The following IL4I1 variants were observed in gnomAD, a reference collection of about 807,000 sequenced individuals.
The protein encoded by IL4I1 is L-amino-acid oxidase.
In IL4I1, 24 loss-of-function variants were observed where a neutral mutation model predicts 29.7. The observed-to-expected ratio is 0.81, with a 90% confidence interval of 0.59 to 1.14. The LOEUF (loss-of-function observed/expected upper bound fraction) is 1.14. Among genes scored for constraint, IL4I1 ranks in the 50% most tolerant of loss-of-function variants. The probability of loss-of-function intolerance (pLI) is 0.00; values close to 1 mark genes in which losing one functional copy is unlikely to be tolerated. For missense variants in IL4I1, 686 were observed against 785.6 expected (o/e 0.87, Z 1.52); for synonymous variants, 371 against 352.5 (o/e 1.05, Z -0.59).
chr19:49,901,675 T>C (rs867965542), upstream of IL4I1: 6 of 1,540,658 alleles, frequency 3.9e-6, no homozygotes, highest in Middle Eastern at 3.4e-4. Flanking sequence ...TCAGCACCCA[T>C]GGCCTTTATG....
intron 2 of IL4I1, among the ~76,000 whole-genome samples, chr19:49,915,447 A>G (rs2075599575): frequency 6.6e-6 from 1 of 152,154 alleles, no homozygotes; most frequent in African/African-American, 2.4e-5. Flanking sequence ...AGAGCTAAAG[A>G]AGGACATAGC....
At chr19:49,926,838 G>A (rs1379540854) in intron 2 of IL4I1, among the ~76,000 whole-genome samples, 3 of 147,860 alleles carry the variant, frequency 2.0e-5, no homozygotes, top group Non-Finnish European at 3.0e-5. Context: ...CCTTGTAACA[G>A]CCCTAAGAAG....
At chr19:49,927,078 C>T (rs1023303050) in intron 2 of IL4I1, among the ~76,000 whole-genome samples, 5 of 152,044 alleles carry the variant, frequency 3.3e-5, no homozygotes, top group Non-Finnish European at 5.9e-5. Context: ...CCAGGCTGGT[C>T]TCGAATTCCT....
chr19:49,898,275 C>A (rs1339032363), upstream of IL4I1, among the ~76,000 whole-genome samples: 6 of 152,004 alleles, frequency 3.9e-5, no homozygotes, highest in East Asian at 1.2e-3. Flanking sequence ...GAGCTGAGAT[C>A]GTGCCACTGC....
Position 49,894,290 on chromosome 19 carries a change from A to T in IL4I1, c.545T>A (p.Ile182Asn). ...PQEKGHSPED[I>N]YQMALNQALK... ...CACCTGGTTGAGAGCCATCTGGTAG[A>T]TGTCTTCGGGCGAGTGGCCCTTTTC... is the stretch of plus-strand genomic sequence containing the variant. The change falls in exon 5 of 8, where the codon ATC becomes AAC. Residue 182 changes from isoleucine (I) to asparagine (N), a missense_variant. Physicochemically the swap from Ile to Asn is moderately radical, Grantham distance 149 (BLOSUM62 -3). Coordinates refer to ENST00000391826, the MANE Select transcript of IL4I1 (RefSeq NM_152899.2). 1 of 1,613,970 alleles carries T rather than the reference A, an allele frequency of 6.2e-7. No individual in the cohort carries two copies. Among genetic ancestry groups the T allele is most frequent in the Non-Finnish European group, 8.5e-7 (1 of 1,179,956 alleles).
chr19:49,925,429 C>G (rs943183725), intron 2 of IL4I1, among the ~76,000 whole-genome samples: 14 of 144,468 alleles, frequency 9.7e-5, no homozygotes, highest in Non-Finnish European at 1.5e-4. Context: ...ACCCTCCCCC[C>G]CATCTCTACT....
chr19:49,913,031 C>G (rs1423868610), intron 2 of IL4I1: 1 of 152,348 alleles, frequency 6.6e-6, no homozygotes, highest in Non-Finnish European at 1.5e-5. Context: ...AACCAGGGCT[C>G]AGGGCAGGCA....
chr19:49,909,768 C>T (rs745557509), intron 2 of IL4I1: 3 of 1,614,174 alleles, frequency 1.9e-6, no homozygotes, highest in Admixed American at 1.7e-5. Context: ...GTGAACCCGC[C>T]TGTAGGGGCC....
intron 2 of IL4I1, among the ~76,000 whole-genome samples, chr19:49,910,885 G>C (rs1304764522): frequency 6.6e-6 from 1 of 152,204 alleles, no homozygotes; most frequent in Non-Finnish European, 1.5e-5. Context: ...GAAAGGGTGA[G>C]AGGGAGTGCT....
chr19:49,896,450 T>C (rs1238760216), intron 1 of IL4I1, among the ~76,000 whole-genome samples: 1 of 151,926 alleles, frequency 6.6e-6, no homozygotes, highest in African/African-American at 2.4e-5. Context: ...TTCTTTCTTT[T>C]TTTTTTAACA....
chr19:49,898,696 T>C (rs139234882), upstream of IL4I1, among the ~76,000 whole-genome samples: 1,112 of 152,226 alleles, frequency 7.3e-3, 14 homozygotes, highest in African/African-American at 0.025. Flanking sequence ...GATGAAACCC[T>C]GTCTCTACCA....
Position 49,894,352 on chromosome 19 carries a change from C to T in IL4I1, c.483G>A (p.Lys161=). 1 of 1,614,228 alleles carries T rather than the reference C, an allele frequency of 6.2e-7. No individual in the cohort carries two copies. The highest frequency in any genetic ancestry group is 8.5e-7 in the Non-Finnish European group (1 of 1,180,048). ...EVKLRNYVVE[K]VPEKLGYALR... ...AGGCGTAGCCCAGCTTCTCGGGCACCTTCTCCACCACATAGTTGCGCAGCT... is the reference window on the plus strand; with the variant it reads ...AGGCGTAGCCCAGCTTCTCGGGCACTTTCTCCACCACATAGTTGCGCAGCT... The change falls in exon 5 of 8, where the codon AAG becomes AAA. Residue 161 remains lysine (K), a synonymous_variant. Coordinates refer to ENST00000391826, the MANE Select transcript of IL4I1 (RefSeq NM_152899.2).
At chr19:49,917,400 G>A (rs752492073) in intron 2 of IL4I1, among the ~76,000 whole-genome samples, 4 of 152,152 alleles carry the variant, frequency 2.6e-5, no homozygotes, top group East Asian at 1.9e-4. Flanking sequence ...TTTCCTTTGC[G>A]TCAAAGAAAA....
intron 3 of IL4I1, 22 bp from the exon 4 acceptor site, chr19:49,895,202 G>C (rs374204829): frequency 1.1e-5 from 17 of 1,594,944 alleles, no homozygotes; most frequent in Admixed American, 3.3e-5. Context: ...CGTGGGGCGA[G>C]GAGGGCCCTT....
chr19:49,918,078 CT>C (rs559266842), intron 2 of IL4I1, among the ~76,000 whole-genome samples: 210 of 132,372 alleles, frequency 1.6e-3, no homozygotes, highest in East Asian at 1.2e-3. Context: ...TTTCCTTTTT[CT>C]TTTTTTTTTT....
At chr19:49,914,734 T>TTG (rs1668430868) in intron 2 of IL4I1, among the ~76,000 whole-genome samples, 1 of 109,506 alleles carries the variant, frequency 9.1e-6, no homozygotes, top group Non-Finnish European at 1.8e-5. Context: ...CAGTTTTTTT[T>TTG]TTTTTTTTTT....
chr19:49,891,473 C>A lies in IL4I1; in HGVS notation c.568G>T (p.Ala190Ser), dbSNP rs545955914. The change falls in exon 6 of 8, where the codon GCC becomes TCC. Residue 190 changes from alanine (A) to serine (S), a missense_variant and splice_region_variant. By Grantham distance (99) the Ala-to-Ser change is moderately conservative. Transcript: ENST00000391826. ...CCCAGTGCCTTGAGGTCTTTGAGGGCCTGTTGTGGAAGAAGCAGACATGGT... is the reference window on the plus strand; with the variant it reads ...CCCAGTGCCTTGAGGTCTTTGAGGGACTGTTGTGGAAGAAGCAGACATGGT... Reference protein sequence around the residue: ...EDIYQMALNQALKDLKALGCR... With the variant: ...EDIYQMALNQSLKDLKALGCR... 1.2e-6 allele frequency: 2 copies of A among 1,613,902 alleles called. No homozygotes were observed. The highest frequency in any genetic ancestry group is 2.2e-5 in the East Asian group (1 of 44,876).
At chr19:49,912,417 C>T (rs1317795464) in intron 2 of IL4I1, among the ~76,000 whole-genome samples, 1 of 152,166 alleles carries the variant, frequency 6.6e-6, no homozygotes, top group Non-Finnish European at 1.5e-5. Context: ...GATCCGCTTG[C>T]CTCGGCCTCC....
At chr19:49,891,232 C>G (rs1568683940) in intron 6 of IL4I1, 125 bp from the exon 7 acceptor site, 2 of 1,467,178 alleles carry the variant, frequency 1.4e-6, no homozygotes, top group Non-Finnish European at 1.9e-6. Flanking sequence ...TCCCCACTCT[C>G]TGACAGATGA....
Sources: gnomAD v4.1 joint callset for allele counts (sites outside exome capture counted in the v4.1 genomes callset) on GRCh38, gnomAD v4.1.1 for gene constraint, MANE v1.5 for transcripts, NCBI Gene and HGNC (gene_info 2026-07-23, HGNC 2026-07-21) for gene names.